The following TMPRSS11F variants were observed in gnomAD, a reference collection of about 807,000 sequenced individuals.
The protein encoded by TMPRSS11F is transmembrane serine protease 11F.
A neutral mutation model predicts 60.2 loss-of-function variants in TMPRSS11F; 47 were observed. The observed-to-expected ratio is 0.78, with a 90% CI of 0.62 to 1.00. The LOEUF is 1.00. TMPRSS11F is among the 50% of genes least tolerant of loss of function. TMPRSS11F has a pLI of 0.00. For synonymous variants in TMPRSS11F, 166 were observed against 167.3 expected (o/e 0.99, Z 0.06); for missense variants, 519 against 522.9 (o/e 0.99, Z 0.07).
In TMPRSS11F at chr4:68,053,860, A is replaced by G. The variant is rs199881210; in HGVS notation, c.*49T>C. On this transcript the variant is annotated 3_prime_UTR_variant, in exon 10 of 10. Coordinates refer to ENST00000356291, the MANE Select transcript of TMPRSS11F (RefSeq NM_207407.2). ...TGAATTTAAACAATACAAAATACGC[A>G]GGAGTATCAGCTCTGTGTGCCATGT... The G allele has an allele frequency of 2.2e-5, 34 of 1,529,664 alleles. No homozygotes were observed. In the Admixed American group the frequency reaches 2.9e-4, roughly 13 times the overall value. The allele number at this position is 1,529,664 out of a possible 1,614,324, so 94.8% of individuals were successfully genotyped here. A position where few individuals can be genotyped will look rare whatever the true frequency, so the allele number is the denominator to read the frequency against.
At chr4:68,092,661 T>C (rs978988954) in intron 2 of TMPRSS11F, among the ~76,000 whole-genome samples, 1 of 152,128 alleles carries the variant, frequency 6.6e-6, no homozygotes, top group Non-Finnish European at 1.5e-5. Flanking sequence ...TTAAATTTAA[T>C]GAATTCAAGC....
intron 1 of TMPRSS11F, among the ~76,000 whole-genome samples, chr4:68,126,662 A>C (rs1385401539): frequency 6.6e-6 from 1 of 152,236 alleles, no homozygotes; most frequent in African/African-American, 2.4e-5. Context: ...GAGAGTCTGC[A>C]ATGTGACAGG....
chr4:68,108,607 G>T (rs946695852), intron 1 of TMPRSS11F, among the ~76,000 whole-genome samples: 3 of 152,132 alleles, frequency 2.0e-5, no homozygotes, highest in African/African-American at 7.2e-5. Context: ...TACATGCCAT[G>T]TACCCAATGA....
At position 68,072,335 on chromosome 4, in the gene TMPRSS11F, A is replaced by ATGATGGTTTGT; in HGVS notation, c.491_501dup (p.Phe168ThrfsTer15). ...ATAAAAGACTTACGTGTGAGTCTAA[A>ATGATGGTTTGT]TGATGGTTTGTTTATGGTCAAAGAC... On this transcript the variant is annotated frameshift_variant, in exon 5 of 10. Coordinates refer to ENST00000356291, the MANE Select transcript of TMPRSS11F (RefSeq NM_207407.2). LOFTEE classifies it high-confidence loss of function. 1 of 1,577,826 alleles carries ATGATGGTTTGT rather than the reference A, an allele frequency of 6.3e-7. No individual in the cohort carries two copies. Among genetic ancestry groups the ATGATGGTTTGT allele is most frequent in the African/African-American group, 1.4e-5 (1 of 73,972 alleles).
chr4:68,059,408 T>C lies in TMPRSS11F; in HGVS notation c.1076A>G (p.Asn359Ser). 1 of 1,614,034 alleles carries C rather than the reference T, an allele frequency of 6.2e-7. No homozygotes were observed. Among genetic ancestry groups the C allele is most frequent in the Non-Finnish European group, 8.5e-7 (1 of 1,179,982 alleles). Residue 359 changes from asparagine (N) to serine (S), a missense_variant, in exon 9 of 10, where the codon AAC becomes AGC. By Grantham distance (46) the Asn-to-Ser change is conservative (BLOSUM62 1). Coordinates refer to ENST00000356291, the MANE Select transcript of TMPRSS11F (RefSeq NM_207407.2). The part of the protein sequence containing the change: ...RVETISTDVC[N>S]RKDVYDGLIT... ...CAGGCCATCATACACATCCTTTCTGTTACACACATCAGTGCTTATGGTTTC... is the reference window on the plus strand; with the variant it reads ...CAGGCCATCATACACATCCTTTCTGCTACACACATCAGTGCTTATGGTTTC...
chr4:68,121,805 A>G (rs561992752), intron 1 of TMPRSS11F, among the ~76,000 whole-genome samples: 11 of 152,340 alleles, frequency 7.2e-5, no homozygotes, highest in African/African-American at 2.4e-4. Context: ...TGCATATTAA[A>G]TAAACAAAAT....
At chr4:68,067,802 TC>T (rs919401116) in intron 7 of TMPRSS11F, among the ~76,000 whole-genome samples, 42 of 152,218 alleles carry the variant, frequency 2.8e-4, no homozygotes, top group South Asian at 2.1e-4. Flanking sequence ...AGGGATAGGC[TC>T]CTTTAATAAG....
intron 1 of TMPRSS11F, among the ~76,000 whole-genome samples, chr4:68,115,085 C>A (rs568122667): frequency 6.6e-6 from 1 of 150,966 alleles, no homozygotes; most frequent in African/African-American, 2.4e-5. Context: ...CGCAGTGGCT[C>A]ACGCCTGTAA....
chr4:68,114,535 T>G (rs902221651), intron 1 of TMPRSS11F, among the ~76,000 whole-genome samples: 3 of 152,092 alleles, frequency 2.0e-5, no homozygotes, highest in Non-Finnish European at 4.4e-5. Flanking sequence ...GATGTCTGAA[T>G]AGTACATACC....
At chr4:68,074,160 G>C (rs1029822477) in intron 3 of TMPRSS11F, 151 bp from the exon 4 acceptor site, 1 of 513,024 alleles carries the variant, frequency 1.9e-6, no homozygotes, top group African/African-American at 2.0e-5. Flanking sequence ...AAGATTTTCA[G>C]CTTATTCCCA....
At chr4:68,077,318 T>C (rs1439078703) in intron 3 of TMPRSS11F, 1 of 152,308 alleles carries the variant, frequency 6.6e-6, no homozygotes, top group Non-Finnish European at 1.5e-5. Flanking sequence ...GGAAGTGATG[T>C]TGGCCCAGGC....
chr4:68,081,914 C>T (rs1364456860), intron 3 of TMPRSS11F, among the ~76,000 whole-genome samples: 1 of 152,158 alleles, frequency 6.6e-6, no homozygotes, highest in African/African-American at 2.4e-5. Context: ...CACTCACCTC[C>T]TCTCTTTGCC....
intron 5 of TMPRSS11F, among the ~76,000 whole-genome samples, 194 bp from the exon 6 acceptor site, chr4:68,070,201 A>C (rs1429738260): frequency 5.9e-5 from 9 of 152,222 alleles, no homozygotes; most frequent in Non-Finnish European, 1.3e-4. Context: ...CAAATTGTGT[A>C]ATTTAATTTA....
intron 5 of TMPRSS11F, among the ~76,000 whole-genome samples, chr4:68,071,016 A>C: frequency 6.6e-6 from 1 of 152,260 alleles, no homozygotes; most frequent in South Asian, 2.1e-4. Context: ...CAATGCCAAA[A>C]TTTTTTAATA....
intron 9 of TMPRSS11F, among the ~76,000 whole-genome samples, chr4:68,055,058 G>A (rs928780239): frequency 6.6e-6 from 1 of 152,146 alleles, no homozygotes; most frequent in Non-Finnish European, 1.5e-5. Flanking sequence ...GTGTGTTATA[G>A]GCAGAGGGAA....
chr4:68,097,677 C>CT (rs938642555), intron 2 of TMPRSS11F, among the ~76,000 whole-genome samples: 55 of 151,544 alleles, frequency 3.6e-4, no homozygotes, highest in East Asian at 2.7e-3. Context: ...GGCTAAAATG[C>CT]TTTTTTTGTC....
chr4:68,058,484 A>G (rs1361090223), intron 9 of TMPRSS11F, among the ~76,000 whole-genome samples: 1 of 152,252 alleles, frequency 6.6e-6, no homozygotes. Flanking sequence ...TTGAAAAAAG[A>G]CTTTTTCATT....
Position 68,059,648 on chromosome 4 carries a change from G to A in TMPRSS11F, c.1016-180C>T, listed in dbSNP as rs539003239. Among the ~76,000 whole-genome samples, 5 of 152,260 alleles carry A rather than the reference G, an allele frequency of 3.3e-5. No homozygotes were observed. In the South Asian group the frequency reaches 6.2e-4, roughly 19 times the overall value. On this transcript the variant is annotated intron_variant, in intron 8 of 9. Transcript: ENST00000356291. Reference sequence around the variant, plus strand: ...AGGAATCATAAACATACATGTTCCAGTATTATATCACATTTGTAGATCTTT... The same window carrying A: ...AGGAATCATAAACATACATGTTCCAATATTATATCACATTTGTAGATCTTT...
At chr4:68,076,007 A>T (rs890885271) in intron 3 of TMPRSS11F, among the ~76,000 whole-genome samples, 4 of 152,106 alleles carry the variant, frequency 2.6e-5, no homozygotes, top group Non-Finnish European at 5.9e-5. Context: ...AAAAGAAAAA[A>T]AAAAAAGAAT....
Sources: allele counts gnomAD v4.1 joint callset (sites outside exome capture counted in the v4.1 genomes callset), GRCh38; gene constraint gnomAD v4.1.1; transcripts MANE v1.5; gene names NCBI Gene and HGNC (gene_info 2026-07-23, HGNC 2026-07-21).